KASH5: variants seen among roughly 807,000 people sequenced by gnomAD.
KASH5 encodes the protein KASH domain containing 5, also known as protein KASH5.
In KASH5, 72 loss-of-function variants were observed where a neutral mutation model predicts 84.2. The observed-to-expected ratio is 0.85, with a 90% CI of 0.71 to 1.04. The LOEUF is 1.04. Ranked by LOEUF, KASH5 falls within the 50% of genes least tolerant of loss-of-function variation. The pLI is 0.00. For synonymous variants in KASH5, 260 were observed against 279.1 expected, an observed-to-expected ratio of 0.93 and a Z score of 0.68; for missense variants, 650 against 701.0, an observed-to-expected ratio of 0.93 and a Z score of 0.82.
At position 49,397,342 on chromosome 19, in the gene KASH5, A is replaced by G. The variant is rs1031969431; in HGVS notation, c.401-309A>G. On this transcript the variant is annotated intron_variant, in intron 5 of 19. Transcript: ENST00000447857. ...GCTGGACTGGGGGTGACAGGGAGCA[A>G]GGGAGCCAGGTCCGCCCAGTGGCTG... is the stretch of plus-strand genomic sequence containing the variant. 2.6e-5 allele frequency among the ~76,000 whole-genome samples: 4 copies of G among 152,198 alleles called. No homozygotes were observed. In the South Asian group the frequency reaches 8.3e-4, roughly 32 times the overall value.
chr19:49,411,593 C>T (rs1319128006), intron 15 of KASH5, among the ~76,000 whole-genome samples: 1 of 152,168 alleles, frequency 6.6e-6, no homozygotes, highest in African/African-American at 2.4e-5. Flanking sequence ...CTGCTTTGAG[C>T]TGTCAGATGC....
At chr19:49,407,417 G>A (rs1460663697) in intron 11 of KASH5, 121 bp downstream of exon 11, 2 of 1,211,072 alleles carry the variant, frequency 1.7e-6, no homozygotes, top group African/African-American at 1.5e-5. Flanking sequence ...TGGAGAGACT[G>A]GAGGGTTTCC....
intron 16 of KASH5, 90 bp downstream of exon 16, chr19:49,413,116 G>A (rs1032314938): frequency 1.8e-5 from 23 of 1,289,828 alleles, no homozygotes; most frequent in South Asian, 9.8e-5. Context: ...TGAGGGGATC[G>A]GCATTCATTC....
intron 15 of KASH5, among the ~76,000 whole-genome samples, chr19:49,411,817 T>C (rs1038937059): frequency 2.0e-5 from 3 of 151,596 alleles, no homozygotes; most frequent in African/African-American, 7.3e-5. Flanking sequence ...AGAAGGGGTA[T>C]CTGTGTCAGG....
chr19:49,407,539 T>A, intron 11 of KASH5, 73 bp from the exon 12 acceptor site: 2 of 1,470,548 alleles, frequency 1.4e-6, no homozygotes, highest in Non-Finnish European at 1.9e-6. Context: ...CCCCAGCCAG[T>A]CCCCCCGCCA....
In KASH5 at chr19:49,407,672, G is replaced by C; in HGVS notation, c.993+1G>C. 1 of 1,602,046 alleles carries C rather than the reference G, an allele frequency of 6.2e-7. No homozygotes were observed. Among genetic ancestry groups the C allele is most frequent in the Non-Finnish European group, 8.5e-7 (1 of 1,174,414 alleles). On this transcript the variant is annotated splice_donor_variant, in intron 12 of 19. Coordinates refer to ENST00000447857, the MANE Select transcript of KASH5 (RefSeq NM_144688.5). LOFTEE classifies it high-confidence loss of function. ...GGAAGAATACAGAGTGACGACGCAG[G>C]TAACTCAGCGGCCCTCGCCACCCAC...
In KASH5 at chr19:49,399,538, C is replaced by T. The variant is rs760015469; in HGVS notation, c.798+31C>T. The T allele has an allele frequency of 2.9e-5, 46 of 1,588,568 alleles. No individual in the cohort carries two copies. The African/African-American group carries it at 4.6e-4, about 16-fold the overall frequency. ...CGGAGGCCCAGCACCACCCCCACCC[C>T]TTCCCCAGTCCTTAAGGTCTTCTTG... On this transcript the variant is annotated intron_variant, in intron 9 of 19. Transcript: ENST00000447857. The surrounding 1 kb of genome is among the most constrained non-coding windows in gnomAD (Gnocchi z 4.4).
At chr19:49,405,033 C>T (rs906436623) in intron 9 of KASH5, among the ~76,000 whole-genome samples, 6 of 152,068 alleles carry the variant, frequency 3.9e-5, no homozygotes, top group African/African-American at 9.7e-5. Flanking sequence ...GTACCAGGGT[C>T]GGGGTGGAGG....
chr19:49,397,592 G>T (rs928721298), intron 5 of KASH5, 59 bp from the exon 6 acceptor site: 2 of 1,511,126 alleles, frequency 1.3e-6, no homozygotes, highest in Non-Finnish European at 1.8e-6. Flanking sequence ...AGAGCCCTGG[G>T]GCACTTTACG....
intron 10 of KASH5, 90 bp from the exon 11 acceptor site, chr19:49,407,150 G>A (rs1282691826): frequency 1.4e-6 from 2 of 1,466,000 alleles, no homozygotes; most frequent in Non-Finnish European, 1.9e-6. Context: ...AATACGTGGG[G>A]GTGCGAGAGA....
intron 2 of KASH5, chr19:49,393,230 A>T (rs1446663658): frequency 6.6e-6 from 1 of 152,212 alleles, no homozygotes; most frequent in Non-Finnish European, 1.5e-5. Flanking sequence ...AAGTGCTCAG[A>T]AAAGGCCTGG....
chr19:49,406,966 G>A lies in KASH5; in HGVS notation c.876+3G>A. ...CCATGGAGAAGGACACTTTGAAGGT[G>A]CCACTCCTTCCTAGTGCCTGACAAC... On this transcript the variant is annotated splice_donor_region_variant and intron_variant, in intron 10 of 19. Transcript: ENST00000447857. 6.3e-7 allele frequency: 1 copy of A among 1,584,508 alleles called. No individual in the cohort carries two copies. The highest frequency in any genetic ancestry group is 8.6e-7 in the Non-Finnish European group (1 of 1,165,284).
intron 9 of KASH5, among the ~76,000 whole-genome samples, chr19:49,400,922 A>G (rs976211344): frequency 2.0e-5 from 3 of 152,146 alleles, no homozygotes; most frequent in African/African-American, 7.2e-5. Flanking sequence ...GAAACCTGTC[A>G]CCACCCCCGA....
chr19:49,410,209 G>A (rs528455216), intron 15 of KASH5, among the ~76,000 whole-genome samples: 1 of 152,320 alleles, frequency 6.6e-6, no homozygotes, highest in African/African-American at 2.4e-5. Context: ...GAATAAGTAA[G>A]TTGTTTATTC....
chr19:49,410,345 T>G (rs1168808650), intron 15 of KASH5, among the ~76,000 whole-genome samples: 1 of 152,178 alleles, frequency 6.6e-6, no homozygotes, highest in Non-Finnish European at 1.5e-5. Flanking sequence ...TTTTTTGTTT[T>G]TAGAGACAGG....
chr19:49,390,904 G>A lies in KASH5; in HGVS notation c.21G>A (p.Pro7=), dbSNP rs774405544. 30 of 1,600,868 alleles carry A rather than the reference G, an allele frequency of 1.9e-5. No individual in the cohort carries two copies. In the South Asian group the frequency reaches 2.6e-4, roughly 14 times the overall value. Residue 7 remains proline (P), a synonymous_variant, in exon 2 of 20, where the codon CCG becomes CCA. Coordinates refer to ENST00000447857, the MANE Select transcript of KASH5 (RefSeq NM_144688.5). ...GGCCCATGGACCTGCCCGAGGGCCCGGTGGGTGGCCCCACTGCGGAAAGTA... is the reference window on the plus strand; with the variant it reads ...GGCCCATGGACCTGCCCGAGGGCCCAGTGGGTGGCCCCACTGCGGAAAGTA... MDLPEG[P]VGGPTAEMYL...
At chr19:49,397,325 G>T (rs1555791567) in intron 5 of KASH5, among the ~76,000 whole-genome samples, 1 of 152,124 alleles carries the variant, frequency 6.6e-6, no homozygotes, top group Non-Finnish European at 1.5e-5. Context: ...CTGCTGGACT[G>T]GGGGTGACAG....
chr19:49,406,932 A>T lies in KASH5; in HGVS notation c.845A>T (p.Gln282Leu). 1 of 1,602,992 alleles carries T rather than the reference A, an allele frequency of 6.2e-7. No individual in the cohort carries two copies. Among genetic ancestry groups the T allele is most frequent in the Non-Finnish European group, 8.5e-7 (1 of 1,174,810 alleles). ...CGGGATGGAGTGAAAAAGAGAAGTC[A>T]GGAGCTGGCCATGGAGAAGGACACT... is the stretch of plus-strand genomic sequence containing the variant. ...AERDGVKKRS[Q>L]ELAMEKDTLK... Residue 282 changes from glutamine to leucine, a missense_variant, in exon 10 of 20, where the codon CAG becomes CTG. Gln to Leu is a moderately radical substitution (Grantham distance 113, BLOSUM62 -2). Coordinates refer to ENST00000447857, the MANE Select transcript of KASH5 (RefSeq NM_144688.5).
chr19:49,396,572 A>C, intron 5 of KASH5, among the ~76,000 whole-genome samples: 1 of 152,148 alleles, frequency 6.6e-6, no homozygotes, highest in East Asian at 1.9e-4. Flanking sequence ...CTCCTCTGGC[A>C]AAGGGGAAGC....
Sources: gnomAD v4.1 joint callset for allele counts (sites outside exome capture counted in the v4.1 genomes callset) on GRCh38, gnomAD v4.1.1 for gene constraint, Gnocchi (gnomAD v3.1) non-coding constraint, MANE v1.5 for transcripts, NCBI Gene and HGNC (gene_info 2026-07-23, HGNC 2026-07-21) for gene names.